PCDH15: variants seen among roughly 807,000 people sequenced by gnomAD.
PCDH15 encodes the protein protocadherin related 15.
A neutral mutation model predicts 178.5 loss-of-function variants in PCDH15; 129 were observed. The observed-to-expected ratio is 0.72, with a 90% confidence interval of 0.63 to 0.84. The LOEUF is 0.84. PCDH15 is among the 40% of genes least tolerant of loss of function. PCDH15 has a pLI of 0.00. For synonymous variants in PCDH15, 800 were observed against 732.0 expected (o/e 1.09, Z -1.50); for missense variants, 2,230 against 2,099.9 (o/e 1.06, Z -1.21).
intron 2 of PCDH15, among the ~76,000 whole-genome samples, chr10:55,105,438 C>A (rs1403832781): frequency 6.6e-6 from 1 of 152,044 alleles, no homozygotes; most frequent in African/African-American, 2.4e-5. Flanking sequence ...ACAAACCATG[C>A]ATTTATTTAC....
chr10:54,049,081 C>A (rs2093713754), intron 18 of PCDH15, among the ~76,000 whole-genome samples: 1 of 152,038 alleles, frequency 6.6e-6, no homozygotes, highest in South Asian at 2.1e-4. Context: ...TAGCAATCTT[C>A]CACTTCCAAA....
intron 3 of PCDH15, among the ~76,000 whole-genome samples, chr10:54,426,302 G>T (rs568785966): frequency 3.9e-5 from 6 of 152,136 alleles, no homozygotes; most frequent in Admixed American, 2.0e-4. Flanking sequence ...GGACAGGGTT[G>T]GGGGGAAGGT....
intron 3 of PCDH15, among the ~76,000 whole-genome samples, chr10:54,462,667 C>CCA (rs2077265504): frequency 6.9e-6 from 1 of 144,634 alleles, no homozygotes; most frequent in Admixed American, 6.9e-5. Context: ...GCACGTGTCA[C>CCA]CACACCTGCT....
At chr10:54,408,744 C>A (rs1390115308) in intron 3 of PCDH15, among the ~76,000 whole-genome samples, 2 of 152,126 alleles carry the variant, frequency 1.3e-5, no homozygotes, top group Non-Finnish European at 2.9e-5. Flanking sequence ...AGACATTGTT[C>A]AGAATGTACT....
intron 1 of PCDH15, among the ~76,000 whole-genome samples, chr10:54,695,179 A>G (rs1242381755): frequency 6.6e-6 from 1 of 152,196 alleles, no homozygotes; most frequent in Non-Finnish European, 1.5e-5. Flanking sequence ...ACAAACCTGC[A>G]CGTTGTGCAC....
chr10:55,578,612 A>G (rs1842543610), intron 2 of PCDH15, among the ~76,000 whole-genome samples: 1 of 152,150 alleles, frequency 6.6e-6, no homozygotes. Context: ...CGTTGATTTT[A>G]GTTTTAATTC....
chr10:53,993,781 A>G (rs2091675786), intron 21 of PCDH15, among the ~76,000 whole-genome samples: 1 of 152,196 alleles, frequency 6.6e-6, no homozygotes, highest in Admixed American at 6.5e-5. Context: ...GTTTGCAACA[A>G]TGATTCAAAA....
intron 2 of PCDH15, among the ~76,000 whole-genome samples, chr10:55,585,939 T>C (rs1482996578): frequency 6.6e-6 from 1 of 152,066 alleles, no homozygotes; most frequent in Non-Finnish European, 1.5e-5. Context: ...GGGGTCTCTA[T>C]ATAGGATGAA....
At chr10:54,161,754 T>C (rs11004108) in intron 13 of PCDH15, among the ~76,000 whole-genome samples, 47,869 of 151,918 alleles carry the variant, frequency 0.32, 8,148 homozygotes, top group African/African-American at 0.43. Flanking sequence ...ATCCATGGAT[T>C]ATGATTCCAG....
intron 24 of PCDH15, among the ~76,000 whole-genome samples, chr10:53,939,231 T>G (rs928393778): frequency 6.6e-6 from 1 of 152,102 alleles, no homozygotes; most frequent in Non-Finnish European, 1.5e-5. Context: ...GTCAATTACA[T>G]TTGGGAAACA....
chr10:54,678,957 G>A (rs1283098282), intron 1 of PCDH15, among the ~76,000 whole-genome samples: 1 of 152,006 alleles, frequency 6.6e-6, no homozygotes, highest in Non-Finnish European at 1.5e-5. Context: ...TTGGGAGGCC[G>A]AGGCGGGCGG....
intron 2 of PCDH15, among the ~76,000 whole-genome samples, chr10:55,076,048 A>C (rs578058227): frequency 6.6e-6 from 1 of 152,190 alleles, no homozygotes; most frequent in East Asian, 1.9e-4. Context: ...ACAGTTTCCA[A>C]GGTTTTTCTT....
intron 3 of PCDH15, among the ~76,000 whole-genome samples, chr10:54,451,953 C>T (rs1215276170): frequency 6.6e-6 from 1 of 151,870 alleles, no homozygotes; most frequent in Admixed American, 6.6e-5. Context: ...GCTAGTCATC[C>T]TTACTTCCTT....
intron 1 of PCDH15, among the ~76,000 whole-genome samples, chr10:55,285,222 A>G (rs1251287798): frequency 6.7e-6 from 1 of 150,204 alleles, no homozygotes; most frequent in African/African-American, 2.4e-5. Context: ...ACTTGTATTT[A>G]TATGGTAAAT....
At chr10:54,790,524 C>T (rs1203308081) in intron 1 of PCDH15, among the ~76,000 whole-genome samples, 1 of 151,786 alleles carries the variant, frequency 6.6e-6, no homozygotes, top group East Asian at 1.9e-4. Context: ...TTTATGAAAC[C>T]TTCTTTGCAG....
At chr10:54,205,058 C>T (rs1157970604) in intron 10 of PCDH15, among the ~76,000 whole-genome samples, 6 of 152,092 alleles carry the variant, frequency 3.9e-5, no homozygotes, top group South Asian at 2.1e-4. Flanking sequence ...ATATGACTTG[C>T]TCTCAAAATT....
At chr10:55,159,078 A>G (rs1316858001) in intron 2 of PCDH15, among the ~76,000 whole-genome samples, 1 of 151,978 alleles carries the variant, frequency 6.6e-6, no homozygotes, top group Non-Finnish European at 1.5e-5. Flanking sequence ...TCAGTGGCTA[A>G]ATGACTTTAG....
At chr10:55,115,906 A>T (rs1374014187) in intron 2 of PCDH15, among the ~76,000 whole-genome samples, 1 of 152,208 alleles carries the variant, frequency 6.6e-6, no homozygotes, top group African/African-American at 2.4e-5. Context: ...ATATATAGTA[A>T]TTTAGCTATC....
chr10:55,407,841 A>G (rs1838234954), intron 2 of PCDH15, among the ~76,000 whole-genome samples: 2 of 152,226 alleles, frequency 1.3e-5, no homozygotes, highest in Non-Finnish European at 2.9e-5. Context: ...AAGAATCTGA[A>G]TAGTCTCTTA....
Sources: gnomAD v4.1 joint callset for allele counts (sites outside exome capture counted in the v4.1 genomes callset) on GRCh38, gnomAD v4.1.1 for gene constraint, MANE v1.5 for transcripts, NCBI Gene and HGNC (gene_info 2026-07-23, HGNC 2026-07-21) for gene names.